ADGRB3: variants seen among roughly 807,000 people sequenced by gnomAD.
ADGRB3 encodes the protein adhesion G protein-coupled receptor B3, also known as brain-specific angiogenesis inhibitor 3.
A neutral mutation model predicts 193.4 loss-of-function variants in ADGRB3; 37 were observed. The observed-to-expected ratio is 0.19, with a 90% CI of 0.15 to 0.25. The LOEUF (loss-of-function observed/expected upper bound fraction) is 0.25, where lower values mean the gene tolerates loss of function less well. Among genes scored for constraint, ADGRB3 ranks in the 10% least tolerant of loss-of-function variants. The pLI is 1.00. For synonymous variants in ADGRB3, 690 were observed against 644.2 expected, an observed-to-expected ratio of 1.07 and a Z score of -1.08; for missense variants, 1,637 against 1,852.9, an observed-to-expected ratio of 0.88 and a Z score of 2.14.
intron 3 of ADGRB3, among the ~76,000 whole-genome samples, chr6:68,655,634 A>T (rs552409854): frequency 7.9e-5 from 12 of 151,854 alleles, no homozygotes; most frequent in Middle Eastern, 3.4e-3. Context: ...ATACTCATGC[A>T]CATGAGAAAA....
intron 20 of ADGRB3, among the ~76,000 whole-genome samples, chr6:69,298,980 C>A (rs753425251): frequency 1.3e-5 from 2 of 151,902 alleles, no homozygotes; most frequent in Non-Finnish European, 2.9e-5. Context: ...AGTGGCTGCA[C>A]GAATTTACAC....
chr6:68,669,684 G>T (rs1248214529), intron 3 of ADGRB3, among the ~76,000 whole-genome samples: 1 of 145,100 alleles, frequency 6.9e-6, no homozygotes, highest in African/African-American at 2.5e-5. Flanking sequence ...TCATTTTTTT[G>T]ATGGCCACTT....
chr6:68,708,127 T>A (rs1184802964), intron 3 of ADGRB3, among the ~76,000 whole-genome samples: 4 of 152,196 alleles, frequency 2.6e-5, no homozygotes, highest in African/African-American at 9.7e-5. Flanking sequence ...AACAGACTTT[T>A]TGTATTTGAG....
chr6:69,361,430 A>C lies in ADGRB3; in HGVS notation c.4157A>C (p.Asn1386Thr), dbSNP rs1348452590. 1.7e-5 allele frequency: 28 copies of C among 1,612,970 alleles called. No homozygotes were observed. Among genetic ancestry groups the C allele is most frequent in the Non-Finnish European group, 2.3e-5 (27 of 1,179,212 alleles). Residue 1386 changes from asparagine to threonine, a missense_variant, in exon 29 of 32, where the codon AAT becomes ACT. By Grantham distance (65) the Asn-to-Thr change is moderately conservative. Coordinates refer to ENST00000370598, the MANE Select transcript of ADGRB3 (RefSeq NM_001704.3). ...LPFEPRTAVK[N>T]FMASELDDNA... is the part of the protein sequence containing the mutation. ...TTTGAACCTCGCACAGCTGTGAAGAATTTCATGGCCTCTGAGTTGGATGAT... is the reference window on the plus strand; with the variant it reads ...TTTGAACCTCGCACAGCTGTGAAGACTTTCATGGCCTCTGAGTTGGATGAT...
chr6:68,785,319 A>G (rs1488041916), intron 3 of ADGRB3, among the ~76,000 whole-genome samples: 5 of 80,832 alleles, frequency 6.2e-5, no homozygotes, highest in Admixed American at 1.9e-4. Context: ...CCCCCACCCC[A>G]CAACAGTCCC....
chr6:68,848,096 CACTT>C (rs1207325505), intron 3 of ADGRB3, among the ~76,000 whole-genome samples: 8 of 151,358 alleles, frequency 5.3e-5, no homozygotes, highest in Admixed American at 5.3e-4. Flanking sequence ...TAAAATCAGT[CACTT>C]AATAAAAATA....
At chr6:68,892,597 A>C (rs1455009597) in intron 3 of ADGRB3, among the ~76,000 whole-genome samples, 1 of 152,130 alleles carries the variant, frequency 6.6e-6, no homozygotes, top group Non-Finnish European at 1.5e-5. Flanking sequence ...AAACTCCCTA[A>C]GAGCAGGGAT....
rs1166700362 is a variant in ADGRB3 at position 69,223,638 on chromosome 6, ATC to A, written c.2481-9638_2481-9637del. On this transcript the variant is annotated intron_variant, in intron 17 of 31. Transcript: ENST00000370598. ...GTATTATTTTACATAATTTTTTTGA[ATC>A]TCTCTCTCTCTCTTTTTTTTTTTTT... Among the ~76,000 whole-genome samples the A allele has an allele frequency of 6.5e-3, 915 of 140,974 alleles. 15 individuals carry two copies. The highest frequency in any genetic ancestry group is 0.023 in the African/African-American group (869 of 37,322). The allele number at this position is 140,974 out of a possible 152,430, so 92.5% of individuals were successfully genotyped here.
intron 3 of ADGRB3, among the ~76,000 whole-genome samples, chr6:68,925,606 G>A (rs895164796): frequency 1.3e-5 from 2 of 151,880 alleles, no homozygotes; most frequent in Non-Finnish European, 2.9e-5. Context: ...AGATTTAATT[G>A]TATTTCTCTT....
intron 26 of ADGRB3, among the ~76,000 whole-genome samples, chr6:69,352,768 G>A (rs1165724102): frequency 2.6e-5 from 4 of 151,276 alleles, no homozygotes; most frequent in Admixed American, 6.6e-5. Context: ...AATAGGCTCA[G>A]TTTTGTTTTG....
intron 3 of ADGRB3, among the ~76,000 whole-genome samples, chr6:68,707,159 A>G (rs953523413): frequency 6.6e-6 from 1 of 152,040 alleles, no homozygotes; most frequent in Non-Finnish European, 1.5e-5. Context: ...ATTTGCTGAC[A>G]ATGACTATAT....
chr6:69,162,434 G>A lies in ADGRB3; in HGVS notation c.2481-70856G>A, dbSNP rs1252175105. Among the ~76,000 whole-genome samples the A allele has an allele frequency of 2.0e-5, 3 of 152,016 alleles. No homozygotes were observed. In the East Asian group the frequency reaches 5.8e-4, roughly 29 times the overall value. ...ATATTGCCCCTTTGTTTAAAATTAA[G>A]CATGCATTTAGACAGAGAGAAGCGC... On this transcript the variant is annotated intron_variant, in intron 17 of 31. Coordinates refer to ENST00000370598, the MANE Select transcript of ADGRB3 (RefSeq NM_001704.3).
intron 12 of ADGRB3, among the ~76,000 whole-genome samples, chr6:69,017,275 A>G (rs1385716229): frequency 6.6e-6 from 1 of 151,858 alleles, no homozygotes; most frequent in Non-Finnish European, 1.5e-5. Context: ...ATGCTTTTCT[A>G]TTATTCAGAA....
At chr6:68,801,082 T>C (rs997922669) in intron 3 of ADGRB3, among the ~76,000 whole-genome samples, 2 of 152,214 alleles carry the variant, frequency 1.3e-5, no homozygotes, top group African/African-American at 4.8e-5. Context: ...TTTGTAGGCT[T>C]AATTAATATG....
chr6:69,232,342 C>T, intron 17 of ADGRB3: 2 of 1,279,024 alleles, frequency 1.6e-6, no homozygotes, highest in Non-Finnish European at 2.0e-6. Context: ...CCCCATCCCC[C>T]CCACCACGAA....
rs191594319 is a variant in ADGRB3 at position 69,151,904 on chromosome 6, C to T, written c.2480+75866C>T. Reference sequence around the variant, plus strand: ...TGGGGGTGGTTATTCTCATGCTGTTCTTGTGATAGTGAGTTCTCACGAGAT... The same window carrying T: ...TGGGGGTGGTTATTCTCATGCTGTTTTTGTGATAGTGAGTTCTCACGAGAT... On this transcript the variant is annotated intron_variant, in intron 17 of 31. Coordinates refer to ENST00000370598, the MANE Select transcript of ADGRB3 (RefSeq NM_001704.3). Among the ~76,000 whole-genome samples the T allele has an allele frequency of 8.5e-4, 129 of 152,170 alleles. 1 individual carries two copies. Among genetic ancestry groups the T allele is most frequent in the African/African-American group, 3.0e-3 (124 of 41,534 alleles).
Position 68,696,021 on chromosome 6 carries a change from T to G in ADGRB3, c.757+56589T>G, listed in dbSNP as rs140286468. 4.0e-3 allele frequency among the ~76,000 whole-genome samples: 607 copies of G among 152,134 alleles called. 15 individuals are homozygous for G. The highest frequency in any genetic ancestry group is 0.029 in the Admixed American group (446 of 15,236). On this transcript the variant is annotated intron_variant, in intron 3 of 31. Coordinates refer to ENST00000370598, the MANE Select transcript of ADGRB3 (RefSeq NM_001704.3). ...GCGACCCAAAGGGGGTAGTCTCTTT[T>G]CAGGTTCTGTTTATCTGAATCTCCC... is the stretch of plus-strand genomic sequence containing the variant.
At chr6:68,848,017 A>C (rs1768316901) in intron 3 of ADGRB3, among the ~76,000 whole-genome samples, 1 of 152,178 alleles carries the variant, frequency 6.6e-6, no homozygotes, top group African/African-American at 2.4e-5. Flanking sequence ...AGACGTCAAC[A>C]TAAAATCATT....
rs1170867812 is a variant in ADGRB3 at position 69,255,169 on chromosome 6, C to T, written c.2814+15943C>T. Among the ~76,000 whole-genome samples, 484 of 152,110 alleles carry T rather than the reference C, an allele frequency of 3.2e-3. 1 individual carries two copies. The highest frequency in any genetic ancestry group is 0.011 in the African/African-American group (450 of 41,454). The stretch of plus-strand genomic sequence containing the variant: ...TGTGAATAGTGCCACAATAAACATA[C>T]GTGTGCATGTGTCTTTATAGCAGCA... On this transcript the variant is annotated intron_variant, in intron 20 of 31. Coordinates refer to ENST00000370598, the MANE Select transcript of ADGRB3 (RefSeq NM_001704.3).
Sources: gnomAD v4.1 joint callset for allele counts (sites outside exome capture counted in the v4.1 genomes callset) on GRCh38, gnomAD v4.1.1 for gene constraint, MANE v1.5 for transcripts, NCBI Gene and HGNC (gene_info 2026-07-23, HGNC 2026-07-21) for gene names.